Variants in TANK observed in about 807,000 individuals in gnomAD.
TANK encodes the protein TRAF family member-associated NF-kappa-B activator.
TANK carries 15 observed loss-of-function variants against 43.6 expected under a neutral mutation model. The observed-to-expected ratio is 0.34, with a 90% CI of 0.23 to 0.53. TANK has a LOEUF of 0.53. Ranked by LOEUF, TANK falls within the 20% of genes least tolerant of loss-of-function variation. The pLI is 0.94. For missense variants in TANK, 417 were observed against 498.6 expected, an observed-to-expected ratio of 0.84 and a Z score of 1.56; for synonymous variants, 162 against 178.2, an observed-to-expected ratio of 0.91 and a Z score of 0.73.
intron 2 of TANK, among the ~76,000 whole-genome samples, chr2:161,199,221 T>C (rs1046500715): frequency 6.6e-6 from 1 of 152,148 alleles, no homozygotes; most frequent in Non-Finnish European, 1.5e-5. Context: ...TGGAATAATT[T>C]GAAAGGTTTT....
chr2:161,189,789 A>C (rs1685830723), intron 2 of TANK, among the ~76,000 whole-genome samples: 1 of 152,186 alleles, frequency 6.6e-6, no homozygotes. Flanking sequence ...GAAAGAAATC[A>C]CATTTTCATT....
At chr2:161,142,707 C>T (rs970527978) in intron 1 of TANK, among the ~76,000 whole-genome samples, 1 of 152,128 alleles carries the variant, frequency 6.6e-6, no homozygotes, top group Non-Finnish European at 1.5e-5. Flanking sequence ...CAGTACCATG[C>T]TCTTTTGGTT....
intron 6 of TANK, among the ~76,000 whole-genome samples, chr2:161,227,853 A>G (rs1209426612): frequency 6.6e-6 from 1 of 152,238 alleles, no homozygotes; most frequent in African/African-American, 2.4e-5. Context: ...GTCTACTGCC[A>G]GGGAAAATGA....
chr2:161,149,427 AGGAT>A (rs952827867), intron 1 of TANK, among the ~76,000 whole-genome samples: 68 of 152,314 alleles, frequency 4.5e-4, no homozygotes, highest in African/African-American at 1.6e-3. Context: ...ATATCATCTA[AGGAT>A]AGAAATAGTT....
chr2:161,192,667 C>T (rs1445175655), intron 2 of TANK, among the ~76,000 whole-genome samples: 1 of 152,206 alleles, frequency 6.6e-6, no homozygotes, highest in African/African-American at 2.4e-5. Context: ...CTCAAATACA[C>T]AGAAGCAGTC....
chr2:161,157,590 T>C (rs1167131328), upstream of TANK, among the ~76,000 whole-genome samples: 1 of 152,212 alleles, frequency 6.6e-6, no homozygotes, highest in Non-Finnish European at 1.5e-5. Context: ...ATAACTGACA[T>C]TCCAAGTCAT....
At chr2:161,168,571 G>A (rs866060504) in intron 1 of TANK, among the ~76,000 whole-genome samples, 2 of 152,322 alleles carry the variant, frequency 1.3e-5, no homozygotes, top group East Asian at 1.9e-4. Context: ...AGTGGCTTAT[G>A]CCTATAATCC....
chr2:161,223,241 A>G (rs938535697), intron 4 of TANK: 2 of 152,084 alleles, frequency 1.3e-5, no homozygotes, highest in Non-Finnish European at 2.9e-5. Context: ...AATTTTTTAA[A>G]TATTTAAACC....
Position 161,179,689 on chromosome 2 carries a change from C to G in TANK, c.27C>G (p.Leu9=), listed in dbSNP as rs751419492. 2 of 1,613,006 alleles carry G rather than the reference C, an allele frequency of 1.2e-6. No individual in the cohort carries two copies. The highest frequency in any genetic ancestry group is 1.7e-5 in the Admixed American group (1 of 59,834). Residue 9 remains leucine (L), a synonymous_variant, in exon 2 of 8, where the codon CTC becomes CTG. Coordinates refer to ENST00000392749, the MANE Select transcript of TANK (RefSeq NM_001199135.3). MDKNIGEQ[L]NKAYEAFRQA... is the part of the protein sequence containing the mutation. ...TGGATAAAAACATTGGCGAGCAACT[C>G]AATAAAGCGTATGAAGCCTTCCGGC...
Position 161,203,511 on chromosome 2 carries a change from C to T in TANK, c.124C>T (p.Arg42Cys), listed in dbSNP as rs1238769499. 4.3e-6 allele frequency: 7 copies of T among 1,611,020 alleles called. No homozygotes were observed. Among genetic ancestry groups the T allele is most frequent in the African/African-American group, 2.7e-5 (2 of 74,902 alleles). ...GACTGAGAACTATGAGCAGAGAATA[C>T]GTGAACAACAGGAACAGCTGTCACT... ...QKTENYEQRI[R>C]EQQEQLSLQQ... is the part of the protein sequence containing the mutation. Residue 42 changes from arginine to cysteine, a missense_variant, in exon 3 of 8, where the codon CGT becomes TGT. By Grantham distance (180) the Arg-to-Cys change is radical. Transcript: ENST00000392749.
At chr2:161,150,589 CTTT>C (rs989283972) in intron 1 of TANK, among the ~76,000 whole-genome samples, 2 of 121,472 alleles carry the variant, frequency 1.6e-5, no homozygotes, top group African/African-American at 3.3e-5. Flanking sequence ...TCTTCTTCTT[CTTT>C]TTTTTTTTTT....
chr2:161,198,855 G>A lies in TANK; in HGVS notation c.100-4632G>A, dbSNP rs546184863. Among the ~76,000 whole-genome samples, 28 of 152,294 alleles carry A rather than the reference G, an allele frequency of 1.8e-4. No homozygotes were observed. The East Asian group carries it at 4.2e-3, about 23-fold the overall frequency. ...GATTGGAAATCTGATCTGTCAAATT[G>A]CAGATCTTCTAGATAAATCTTGGTA... On this transcript the variant is annotated intron_variant, in intron 2 of 7. Coordinates refer to ENST00000392749, the MANE Select transcript of TANK (RefSeq NM_001199135.3).
At chr2:161,210,024 C>A (rs1686809574) in intron 4 of TANK, among the ~76,000 whole-genome samples, 1 of 152,070 alleles carries the variant, frequency 6.6e-6, no homozygotes. Context: ...CTGAGTTAAT[C>A]AAAAACTCAA....
At chr2:161,230,131 C>T (rs934525117) in intron 6 of TANK, among the ~76,000 whole-genome samples, 1 of 152,142 alleles carries the variant, frequency 6.6e-6, no homozygotes, top group Non-Finnish European at 1.5e-5. Flanking sequence ...TGTGGAAATA[C>T]CACCAAGTTT....
intron 2 of TANK, among the ~76,000 whole-genome samples, chr2:161,185,196 TGTA>T (rs1685602175): frequency 1.3e-5 from 2 of 152,112 alleles, no homozygotes; most frequent in Admixed American, 1.3e-4. Context: ...AGAAAAAGAA[TGTA>T]GTATCATAGA....
At chr2:161,190,870 G>A (rs1685884025) in intron 2 of TANK, among the ~76,000 whole-genome samples, 1 of 152,064 alleles carries the variant, frequency 6.6e-6, no homozygotes, top group Non-Finnish European at 1.5e-5. Context: ...AGTTTCTGGA[G>A]GTAGATGGTG....
intron 1 of TANK, 21 bp downstream of exon 1, chr2:161,160,507 A>G (rs941518050): frequency 7.9e-7 from 1 of 1,259,558 alleles, no homozygotes; most frequent in African/African-American, 1.5e-5. Context: ...AACTTTGTGA[A>G]TTGGTGTGTC....
chr2:161,153,687 CAAA>C (rs11395042), intron 1 of TANK, among the ~76,000 whole-genome samples: 2 of 76,314 alleles, frequency 2.6e-5, no homozygotes, highest in Non-Finnish European at 2.4e-5. Context: ...GGCCCTGTCT[CAAA>C]AAAAAAAAAA....
chr2:161,205,999 T>G (rs1686636432), intron 4 of TANK, among the ~76,000 whole-genome samples: 1 of 152,158 alleles, frequency 6.6e-6, no homozygotes, highest in African/African-American at 2.4e-5. Flanking sequence ...AACACAAATA[T>G]GTAATAAAAG....
Sources: allele counts gnomAD v4.1 joint callset (sites outside exome capture counted in the v4.1 genomes callset), GRCh38; gene constraint gnomAD v4.1.1; transcripts MANE v1.5; gene names NCBI Gene and HGNC (gene_info 2026-07-23, HGNC 2026-07-21).